SEL1L2: variants seen among roughly 807,000 people sequenced by gnomAD.
SEL1L2 encodes protein sel-1 homolog 2.
A neutral mutation model predicts 98.8 loss-of-function variants in SEL1L2; 89 were observed. The observed-to-expected ratio is 0.90, with a 90% CI of 0.76 to 1.07. The LOEUF (loss-of-function observed/expected upper bound fraction) is 1.07, where lower values mean the gene tolerates loss of function less well. Among genes scored for constraint, SEL1L2 ranks in the 50% least tolerant of loss-of-function variants. The probability of loss-of-function intolerance (pLI) is 0.00; values close to 1 mark genes in which losing one functional copy is unlikely to be tolerated. For missense variants in SEL1L2, 788 were observed against 812.0 expected (o/e 0.97, Z 0.36); for synonymous variants, 262 against 278.5 (o/e 0.94, Z 0.59).
At chr20:13,939,659 C>A (rs2049650510) in intron 2 of SEL1L2, among the ~76,000 whole-genome samples, 1 of 32,148 alleles carries the variant, frequency 3.1e-5, no homozygotes, top group Admixed American at 5.3e-4. Flanking sequence ...ATGAAACACC[C>A]TTATTCTTTT....
chr20:13,889,907 C>G (rs437436), intron 5 of SEL1L2, among the ~76,000 whole-genome samples: 113,319 of 152,182 alleles, frequency 0.74, 42,428 homozygotes, highest in East Asian at 0.91. Context: ...ATAAAAAAAT[C>G]AAAGGCTGAG....
intron 1 of SEL1L2, among the ~76,000 whole-genome samples, chr20:13,979,201 G>T (rs1208059675): frequency 1.3e-5 from 2 of 152,204 alleles, no homozygotes; most frequent in African/African-American, 2.4e-5. Context: ...GAAGCTGAAA[G>T]AATTGAGCTC....
chr20:13,948,421 T>C (rs1393616527), intron 2 of SEL1L2, among the ~76,000 whole-genome samples: 3 of 151,926 alleles, frequency 2.0e-5, no homozygotes, highest in Admixed American at 2.0e-4. Flanking sequence ...TATAGACCAA[T>C]GGAATAGAAT....
At chr20:13,972,110 C>T (rs1048173379) in intron 1 of SEL1L2, among the ~76,000 whole-genome samples, 8 of 152,042 alleles carry the variant, frequency 5.3e-5, no homozygotes, top group African/African-American at 1.4e-4. Flanking sequence ...TTGGGAATTC[C>T]GGCGTAATTT....
chr20:13,964,022 C>T (rs2050909130), intron 1 of SEL1L2, among the ~76,000 whole-genome samples: 1 of 151,964 alleles, frequency 6.6e-6, no homozygotes. Flanking sequence ...CAGGCACGTG[C>T]CACCACTCCC....
At chr20:13,855,141 T>C (rs963031753) in intron 18 of SEL1L2, among the ~76,000 whole-genome samples, 13 of 151,524 alleles carry the variant, frequency 8.6e-5, no homozygotes, top group Admixed American at 7.9e-4. Context: ...AATGGACTAG[T>C]CTTCAATGGG....
At chr20:13,945,773 G>A (rs547145607) in intron 2 of SEL1L2, among the ~76,000 whole-genome samples, 3 of 152,052 alleles carry the variant, frequency 2.0e-5, no homozygotes, top group African/African-American at 7.2e-5. Context: ...TGATATGCAA[G>A]GATGGTTCAA....
chr20:13,951,122 A>G (rs1288513443), intron 2 of SEL1L2, among the ~76,000 whole-genome samples: 15 of 151,094 alleles, frequency 9.9e-5, no homozygotes, highest in African/African-American at 3.7e-4. Flanking sequence ...TAAAAATACA[A>G]AAAAATTAGC....
intron 9 of SEL1L2, among the ~76,000 whole-genome samples, 182 bp downstream of exon 9, chr20:13,886,106 C>T (rs1316921463): frequency 6.6e-6 from 1 of 152,016 alleles, no homozygotes; most frequent in African/African-American, 2.4e-5. Flanking sequence ...AACTAGTTCT[C>T]CAGTGGGCTA....
At chr20:13,915,692 T>C (rs2048374000) in intron 4 of SEL1L2, among the ~76,000 whole-genome samples, 1 of 152,134 alleles carries the variant, frequency 6.6e-6, no homozygotes, top group South Asian at 2.1e-4. Context: ...TGTGGGCATA[T>C]GGGTTCCATA....
At chr20:13,937,363 T>C (rs949506857) in intron 2 of SEL1L2, among the ~76,000 whole-genome samples, 4 of 152,198 alleles carry the variant, frequency 2.6e-5, no homozygotes, top group Non-Finnish European at 5.9e-5. Flanking sequence ...GAGCCCGACA[T>C]GCGCACTGGG....
intron 14 of SEL1L2, 89 bp downstream of exon 14, chr20:13,869,414 C>T (rs992981239): frequency 2.9e-6 from 3 of 1,018,334 alleles, no homozygotes; most frequent in Middle Eastern, 2.0e-4. Context: ...AAACCACTCA[C>T]ACCAAACCTT....
At chr20:13,970,471 A>C (rs1275879225) in intron 1 of SEL1L2, among the ~76,000 whole-genome samples, 1 of 152,220 alleles carries the variant, frequency 6.6e-6, no homozygotes, top group Non-Finnish European at 1.5e-5. Context: ...ATATTAATAG[A>C]TAATGCCAAA....
intron 13 of SEL1L2, 75 bp downstream of exon 13, chr20:13,870,066 T>C: frequency 9.4e-7 from 1 of 1,068,612 alleles, no homozygotes; most frequent in Non-Finnish European, 1.4e-6. Context: ...TAAATTCCTT[T>C]AAACTAATGA....
chr20:13,901,310 T>C (rs992533718), intron 5 of SEL1L2, among the ~76,000 whole-genome samples: 1 of 152,118 alleles, frequency 6.6e-6, no homozygotes, highest in African/African-American at 2.4e-5. Flanking sequence ...GACCTCGTGA[T>C]CTGCCCGCCT....
intron 5 of SEL1L2, among the ~76,000 whole-genome samples, chr20:13,892,611 A>C (rs897949480): frequency 2.6e-5 from 4 of 152,224 alleles, no homozygotes; most frequent in African/African-American, 9.6e-5. Context: ...GTAAGAGAGG[A>C]AAAGAAGGAC....
chr20:13,867,458 CCTTAGATGGT>C (rs1372824893), intron 14 of SEL1L2, among the ~76,000 whole-genome samples: 1 of 152,212 alleles, frequency 6.6e-6, no homozygotes, highest in East Asian at 1.9e-4. Context: ...TGAAGGCTTT[CCTTAGATGGT>C]CTTTAAGTTA....
At chr20:13,888,769 G>C (rs2047073679) in intron 5 of SEL1L2, among the ~76,000 whole-genome samples, 1 of 148,354 alleles carries the variant, frequency 6.7e-6, no homozygotes, top group Admixed American at 6.7e-5. Context: ...CTCTCGAGTA[G>C]CTGGGACTAC....
chr20:13,856,365 AG>A (rs968549351), intron 18 of SEL1L2, among the ~76,000 whole-genome samples: 49 of 152,092 alleles, frequency 3.2e-4, no homozygotes, highest in African/African-American at 1.1e-3. Flanking sequence ...CCTGACCTCA[AG>A]TGATCTGCCC....
Sources: allele counts gnomAD v4.1 joint callset (sites outside exome capture counted in the v4.1 genomes callset), GRCh38; gene constraint gnomAD v4.1.1; transcripts MANE v1.5; gene names NCBI Gene and HGNC (gene_info 2026-07-23, HGNC 2026-07-21).